Variants in EIF4ENIF1 observed in about 807,000 individuals in gnomAD.
EIF4ENIF1 encodes eukaryotic translation initiation factor 4E nuclear import factor 1, also known as eukaryotic translation initiation factor 4E transporter.
Under a neutral mutation model 110.5 loss-of-function variants are expected in EIF4ENIF1, and 23 were observed. The observed-to-expected ratio is 0.21, with a 90% CI of 0.15 to 0.29. The LOEUF is 0.29. Among genes scored for constraint, EIF4ENIF1 ranks in the 10% least tolerant of loss-of-function variants. The pLI, the probability that EIF4ENIF1 is intolerant of heterozygous loss-of-function variation, is 1.00. For missense variants in EIF4ENIF1, 1,031 were observed against 1,221.1 expected, an observed-to-expected ratio of 0.84 and a Z score of 2.32; for synonymous variants, 440 against 437.0, an observed-to-expected ratio of 1.01 and a Z score of -0.09.
At position 31,463,858 on chromosome 22, in the gene EIF4ENIF1, T is replaced by G; in HGVS notation, c.408A>C (p.Ser136=). 1 of 1,614,120 alleles carries G rather than the reference T, an allele frequency of 6.2e-7. No individual in the cohort carries two copies. Among genetic ancestry groups the G allele is most frequent in the Non-Finnish European group, 8.5e-7 (1 of 1,180,030 alleles). Residue 136 remains serine (S), a synonymous_variant, in exon 5 of 19, where the codon TCA becomes TCC. Coordinates refer to ENST00000330125, the MANE Select transcript of EIF4ENIF1 (RefSeq NM_019843.4). The stretch of plus-strand genomic sequence containing the variant: ...CACTATCTTTCTCTAATGGACTTCC[T>G]GAGCGCCGGGAGCTAACAGCGGCTG... ...HVTAAVSSRR[S]GSPLEKDSDG...
rs144883688 is a variant in EIF4ENIF1, at chr22:31,439,901, A to G, written c.2937T>C (p.Asp979=). Residue 979 remains aspartate, a synonymous_variant, in exon 19 of 19, where the codon GAT becomes GAC. Transcript: ENST00000330125. ...PSMPAKVISV[D]ELEYRQ is the part of the protein sequence containing the mutation. ...CTGCTCACTGTCGGTATTCCAATTC[A>G]TCTACACTGATAACTTTGGCGGGCA... The G allele has an allele frequency of 1.6e-5, 26 of 1,613,824 alleles. No individual in the cohort carries two copies. The East Asian group carries it at 2.2e-4, about 14-fold the overall frequency.
At chr22:31,455,553 C>T (rs887218386) in intron 8 of EIF4ENIF1, among the ~76,000 whole-genome samples, 1 of 152,092 alleles carries the variant, frequency 6.6e-6, no homozygotes, top group African/African-American at 2.4e-5. Context: ...TGCCCGCCAC[C>T]ACGCCTGGCT....
chr22:31,481,523 G>A (rs1224813026), intron 2 of EIF4ENIF1, among the ~76,000 whole-genome samples: 1 of 152,128 alleles, frequency 6.6e-6, no homozygotes. Context: ...AATGCCACCT[G>A]AGTTACTACT....
intron 6 of EIF4ENIF1, 61 bp downstream of exon 6, chr22:31,462,871 C>T (rs559703766): frequency 6.4e-7 from 1 of 1,561,902 alleles, no homozygotes; most frequent in East Asian, 2.2e-5. Flanking sequence ...GTGTGAGCCA[C>T]CACGCCCAGC....
chr22:31,453,426 G>A (rs1406794976), intron 10 of EIF4ENIF1: 1 of 356,214 alleles, frequency 2.8e-6, no homozygotes, highest in South Asian at 2.2e-5. Flanking sequence ...CCAGCCTGGA[G>A]TGCAGTGGCG....
intron 2 of EIF4ENIF1, among the ~76,000 whole-genome samples, chr22:31,479,690 T>TC (rs1425426286): frequency 7.0e-6 from 1 of 142,294 alleles, no homozygotes; most frequent in Non-Finnish European, 1.6e-5. Context: ...GAAAGGTGTT[T>TC]TTTTTTTTTT....
chr22:31,447,720 A>G (rs1319759956), intron 13 of EIF4ENIF1, among the ~76,000 whole-genome samples, 155 bp from the exon 14 acceptor site: 4 of 152,252 alleles, frequency 2.6e-5, no homozygotes, highest in Non-Finnish European at 5.9e-5. Context: ...CGCAGTGAAC[A>G]AGATTAACAA....
intron 2 of EIF4ENIF1, among the ~76,000 whole-genome samples, chr22:31,472,559 G>A (rs887442226): frequency 2.6e-5 from 4 of 152,160 alleles, no homozygotes; most frequent in Non-Finnish European, 5.9e-5. Context: ...GTGAGCAACC[G>A]GGCCGGGGGG....
At chr22:31,456,883 G>C (rs2050848401) in intron 7 of EIF4ENIF1, among the ~76,000 whole-genome samples, 3 of 152,154 alleles carry the variant, frequency 2.0e-5, no homozygotes, top group Admixed American at 1.3e-4. Context: ...TTTGCCTCAG[G>C]AGTAAATCCA....
At chr22:31,442,598 A>ATGTCC (rs1215259031) in intron 16 of EIF4ENIF1, among the ~76,000 whole-genome samples, 10 of 152,222 alleles carry the variant, frequency 6.6e-5, no homozygotes, top group Admixed American at 6.5e-4. Flanking sequence ...TTGGACACTT[A>ATGTCC]AGTCTCCACA....
In EIF4ENIF1 at chr22:31,450,843, C is replaced by CCACA. The variant is rs1569073447; in HGVS notation, c.1513-484_1513-483insTGTG. 2.1e-4 allele frequency: 20 copies of CCACA among 96,934 alleles called. No homozygotes were observed. The South Asian group carries it at 2.4e-3, about 12-fold the overall frequency. 6.0% of individuals were successfully genotyped at this position (96,934 alleles called of 1,614,324 possible). A position where few individuals can be genotyped will look rare whatever the true frequency, so the allele number is the denominator to read the frequency against. On this transcript the variant is annotated intron_variant, in intron 10 of 18. Transcript: ENST00000330125. ...ACATACATACACACATATATATATA[C>CCACA]TACACACACACACACACACACACAC...
chr22:31,476,741 CAGG>C (rs1236842491), intron 2 of EIF4ENIF1, among the ~76,000 whole-genome samples: 1 of 151,792 alleles, frequency 6.6e-6, no homozygotes, highest in Non-Finnish European at 1.5e-5. Flanking sequence ...GAGACTCAGG[CAGG>C]AGAATTGCCT....
At chr22:31,445,319 ATT>A (rs2050428479) in intron 14 of EIF4ENIF1, among the ~76,000 whole-genome samples, 1 of 151,904 alleles carries the variant, frequency 6.6e-6, no homozygotes, top group Non-Finnish European at 1.5e-5. Context: ...AGTTTCAGCT[ATT>A]TTAGGACCAC....
chr22:31,486,082 C>A (rs2052010923), intron 2 of EIF4ENIF1, among the ~76,000 whole-genome samples: 1 of 151,926 alleles, frequency 6.6e-6, no homozygotes, highest in African/African-American at 2.4e-5. Flanking sequence ...CCAGCCTGGC[C>A]AACATGGCAA....
At position 31,439,826 on chromosome 22, in the gene EIF4ENIF1, T is replaced by C; in HGVS notation, c.*54A>G. On this transcript the variant is annotated 3_prime_UTR_variant, in exon 19 of 19. Transcript: ENST00000330125. ...TAAACCAACCCGAGATGAAGCAGGG[T>C]CCTGCCCAGTGTGCCACCACAGGTC... The C allele has an allele frequency of 6.3e-7, 1 of 1,596,468 alleles. No homozygotes were observed. Among genetic ancestry groups the C allele is most frequent in the Non-Finnish European group, 8.5e-7 (1 of 1,176,578 alleles).
At chr22:31,493,247 T>G (rs2052298602), upstream of EIF4ENIF1, among the ~76,000 whole-genome samples, 1 of 151,988 alleles carries the variant, frequency 6.6e-6, no homozygotes, top group Admixed American at 6.6e-5. Context: ...GCCAGGATGG[T>G]CTCGATCTCC....
chr22:31,467,649 C>T (rs1447494487), intron 4 of EIF4ENIF1, among the ~76,000 whole-genome samples: 1 of 151,964 alleles, frequency 6.6e-6, no homozygotes, highest in Non-Finnish European at 1.5e-5. Flanking sequence ...ATGGTGAAAC[C>T]CCATCTCTAC....
chr22:31,447,365 A>G (rs962898329), intron 14 of EIF4ENIF1, 61 bp downstream of exon 14: 8 of 1,594,576 alleles, frequency 5.0e-6, no homozygotes, highest in Non-Finnish European at 6.8e-6. Context: ...CAGATAAGTA[A>G]TTTATTAGTT....
Position 31,442,129 on chromosome 22 carries a change from C to T in EIF4ENIF1, c.2207-11G>A. On this transcript the variant is annotated splice_polypyrimidine_tract_variant and intron_variant, in intron 16 of 18. Transcript: ENST00000330125. Reference sequence around the variant, plus strand: ...ATGACAGGAGGTTTTCTGTGAGGAACCAAACAAAAAATATTTTGGCAAACC... The same window carrying T: ...ATGACAGGAGGTTTTCTGTGAGGAATCAAACAAAAAATATTTTGGCAAACC... The T allele has an allele frequency of 6.3e-7, 1 of 1,583,628 alleles. No individual in the cohort carries two copies. Among genetic ancestry groups the T allele is most frequent in the Non-Finnish European group, 8.6e-7 (1 of 1,162,764 alleles).
Sources: gnomAD v4.1 joint callset for allele counts (sites outside exome capture counted in the v4.1 genomes callset) on GRCh38, gnomAD v4.1.1 for gene constraint, MANE v1.5 for transcripts, NCBI Gene and HGNC (gene_info 2026-07-23, HGNC 2026-07-21) for gene names.